Variants in CCDC148 observed in about 807,000 individuals in gnomAD.
CCDC148 encodes coiled-coil domain containing 148.
CCDC148 carries 89 observed loss-of-function variants against 85.7 expected under a neutral mutation model. The observed-to-expected ratio is 1.04, with a 90% CI of 0.87 to 1.24. The LOEUF (loss-of-function observed/expected upper bound fraction) is 1.24. Among genes scored for constraint, CCDC148 ranks in the 50% most tolerant of loss-of-function variants. The pLI is 0.00. For missense variants in CCDC148, 692 were observed against 671.7 expected (o/e 1.03, Z -0.33); for synonymous variants, 230 against 213.9 (o/e 1.08, Z -0.66).
chr2:158,443,718 T>C (rs1472684184), intron 1 of CCDC148, among the ~76,000 whole-genome samples: 1 of 152,130 alleles, frequency 6.6e-6, no homozygotes, highest in Non-Finnish European at 1.5e-5. Flanking sequence ...ATGTGGAAAT[T>C]AACCTAGGCC....
At position 158,172,135 on chromosome 2, in the gene CCDC148, T is replaced by G. The variant is rs1479186837; in HGVS notation, c.1754A>C (p.Glu585Ala). 6.2e-7 allele frequency: 1 copy of G among 1,608,920 alleles called. No individual in the cohort carries two copies. The highest frequency in any genetic ancestry group is 8.5e-7 in the Non-Finnish European group (1 of 1,177,116). Residue 585 changes from glutamate (E) to alanine (A), a missense_variant, in exon 14 of 14, where the codon GAG (glutamate) becomes GCG (alanine). Physicochemically the swap from Glu to Ala is moderately radical, Grantham distance 107. Transcript: ENST00000283233. ...GCTCTATATTTTAAATACAGTAGAC[T>G]CCATGTCCTTTCTTGGAGGTTTTTG... ...SPQKPPRKDM[E>A]STVFKI
Position 158,354,987 on chromosome 2 carries a change from A to T in CCDC148, c.147+3462T>A, listed in dbSNP as rs189694760. On this transcript the variant is annotated intron_variant, in intron 2 of 13. Coordinates refer to ENST00000283233, the MANE Select transcript of CCDC148 (RefSeq NM_138803.4). Reference sequence around the variant, plus strand: ...AGCCAAAGACAAAAACCACATCATTATCTCAATAGATGCAGAAAAAGCCTG... The same window carrying T: ...AGCCAAAGACAAAAACCACATCATTTTCTCAATAGATGCAGAAAAAGCCTG... Among the ~76,000 whole-genome samples the T allele has an allele frequency of 1.5e-4, 23 of 152,342 alleles. No homozygotes were observed. The East Asian group carries it at 4.4e-3, about 29-fold the overall frequency.
At chr2:158,186,591 T>G (rs1055076427) in intron 11 of CCDC148, among the ~76,000 whole-genome samples, 1 of 152,026 alleles carries the variant, frequency 6.6e-6, no homozygotes, top group Non-Finnish European at 1.5e-5. Flanking sequence ...TACATATAAA[T>G]TTATTCAAAT....
intron 2 of CCDC148, among the ~76,000 whole-genome samples, chr2:158,351,767 G>A (rs1488349193): frequency 6.7e-6 from 1 of 149,178 alleles, no homozygotes; most frequent in African/African-American, 2.5e-5. Flanking sequence ...TCCACCTCTG[G>A]GGGCAGAGCA....
chr2:158,176,661 C>T lies in CCDC148; in HGVS notation c.1489G>A (p.Val497Ile), dbSNP rs1230862410. ...ARRLEALRKQVAVVAQFDPVR... is the reference protein window; with the variant it reads ...ARRLEALRKQIAVVAQFDPVR... ...GGATCAAATTGAGCAACAACAGCAA[C>T]CTAAAAATGAGAAAGCATGGCTACT... The change falls in exon 13 of 14, where the codon GTT becomes ATT. Residue 497 changes from valine (V) to isoleucine (I), a missense_variant and splice_region_variant. Physicochemically the swap from Val to Ile is conservative, Grantham distance 29. Coordinates refer to ENST00000283233, the MANE Select transcript of CCDC148 (RefSeq NM_138803.4). 3 of 1,611,216 alleles carry T rather than the reference C, an allele frequency of 1.9e-6. No homozygotes were observed. Among genetic ancestry groups the T allele is most frequent in the South Asian group, 1.1e-5 (1 of 90,844 alleles).
At chr2:158,331,803 GT>G (rs1693143441) in intron 7 of CCDC148, among the ~76,000 whole-genome samples, 1 of 152,168 alleles carries the variant, frequency 6.6e-6, no homozygotes, top group Admixed American at 6.5e-5. Context: ...TTTAAAGTCT[GT>G]TTTATCAGAG....
chr2:158,217,037 T>C (rs1200028409), intron 11 of CCDC148, among the ~76,000 whole-genome samples: 1 of 152,026 alleles, frequency 6.6e-6, no homozygotes, highest in Non-Finnish European at 1.5e-5. Flanking sequence ...TGTCAACCGA[T>C]TCTAGAGCCT....
intron 12 of CCDC148, among the ~76,000 whole-genome samples, chr2:158,178,585 C>T: frequency 6.6e-6 from 1 of 152,078 alleles, no homozygotes; most frequent in East Asian, 1.9e-4. Context: ...TAGAGCCTCA[C>T]TGTTGTAAAT....
intron 2 of CCDC148, among the ~76,000 whole-genome samples, chr2:158,356,119 T>TA (rs1316050722): frequency 7.8e-6 from 1 of 128,888 alleles, no homozygotes; most frequent in Non-Finnish European, 1.6e-5. Flanking sequence ...CCTAAAACCA[T>TA]AAAAACCCTA....
chr2:158,176,526 G>A lies in CCDC148; in HGVS notation c.1624C>T (p.Gln542Ter), dbSNP rs768002365. ...ATGCTAATTTCCATAATTACCTGCT[G>A]TTCATTGTATGTATTCAATGTGAAG... Reference protein sequence around the residue: ...PLFTLNTYNEQQIISDPRLRF... With the variant: ...PLFTLNTYNE The change falls in exon 13 of 14, where the codon CAG (glutamine) becomes TAG (stop). Residue 542 changes from glutamine (Q) to a stop codon, truncating the protein, a stop_gained. Transcript: ENST00000283233. LOFTEE classifies it high-confidence loss of function. 1.2e-6 allele frequency: 2 copies of A among 1,610,744 alleles called. No individual in the cohort carries two copies. Among genetic ancestry groups the A allele is most frequent in the East Asian group, 2.2e-5 (1 of 44,578 alleles).
intron 9 of CCDC148, among the ~76,000 whole-genome samples, chr2:158,295,885 CAGG>C (rs1163227927): frequency 6.6e-6 from 1 of 151,902 alleles, no homozygotes; most frequent in East Asian, 1.9e-4. Context: ...GGCAATTAGT[CAGG>C]AGAAGGAAAT....
chr2:158,172,251 A>G lies in CCDC148; in HGVS notation c.1638T>C (p.Ser546=). 1 of 1,597,756 alleles carries G rather than the reference A, an allele frequency of 6.3e-7. No individual in the cohort carries two copies. The highest frequency in any genetic ancestry group is 8.5e-7 in the Non-Finnish European group (1 of 1,172,250). ...CTAACTCGAAGCGAAGTCTAGGGTCAGAAATTATCTGTAGAAATAAAAATA... is the reference window on the plus strand; with the variant it reads ...CTAACTCGAAGCGAAGTCTAGGGTCGGAAATTATCTGTAGAAATAAAAATA... ...LNTYNEQQII[S]DPRLRFELAL... The change falls in exon 14 of 14, where the codon TCT becomes TCC. Residue 546 remains serine (S), a synonymous_variant. Transcript: ENST00000283233.
At chr2:158,418,193 C>T (rs762607799) in intron 1 of CCDC148, among the ~76,000 whole-genome samples, 3 of 151,908 alleles carry the variant, frequency 2.0e-5, no homozygotes, top group African/African-American at 7.3e-5. Flanking sequence ...GATTAACCTC[C>T]TACAAATCAC....
chr2:158,179,319 C>T (rs1367816753), intron 11 of CCDC148, among the ~76,000 whole-genome samples: 1 of 151,662 alleles, frequency 6.6e-6, no homozygotes. Context: ...CCACCATGCC[C>T]AGCTAATTTT....
intron 10 of CCDC148, among the ~76,000 whole-genome samples, chr2:158,222,458 C>T (rs1687236703): frequency 6.6e-6 from 1 of 151,772 alleles, no homozygotes; most frequent in Admixed American, 6.6e-5. Flanking sequence ...TGTGCTCTCT[C>T]CCTCTCTCTC....
intron 11 of CCDC148, among the ~76,000 whole-genome samples, chr2:158,183,260 A>G (rs1684991527): frequency 6.6e-6 from 1 of 152,096 alleles, no homozygotes; most frequent in Admixed American, 6.6e-5. Context: ...TTGAAGGGAC[A>G]GTATGCTTTC....
chr2:158,217,370 G>GTATATATA (rs1453254522), intron 11 of CCDC148, among the ~76,000 whole-genome samples: 5 of 75,520 alleles, frequency 6.6e-5, no homozygotes, highest in African/African-American at 2.0e-4. Context: ...TTTTGTGTGT[G>GTATATATA]TGTGTATATA....
At chr2:158,331,674 A>G (rs1298587406) in intron 7 of CCDC148, among the ~76,000 whole-genome samples, 1 of 152,130 alleles carries the variant, frequency 6.6e-6, no homozygotes, top group Non-Finnish European at 1.5e-5. Context: ...GACTTGCTTT[A>G]TGAATCTGGG....
chr2:158,419,600 G>A (rs948452410), intron 1 of CCDC148, among the ~76,000 whole-genome samples: 4 of 152,054 alleles, frequency 2.6e-5, no homozygotes, highest in Admixed American at 6.6e-5. Flanking sequence ...GCTTGTTTTG[G>A]AGATTAGTAA....
Sources: gnomAD v4.1 joint callset for allele counts (sites outside exome capture counted in the v4.1 genomes callset) on GRCh38, gnomAD v4.1.1 for gene constraint, MANE v1.5 for transcripts, NCBI Gene and HGNC (gene_info 2026-07-23, HGNC 2026-07-21) for gene names.